RALGAPB: variants seen among roughly 807,000 people sequenced by gnomAD.
The protein encoded by RALGAPB is ral GTPase-activating protein subunit beta.
Under a neutral mutation model 161.1 loss-of-function variants are expected in RALGAPB, and 25 were observed. The observed-to-expected ratio is 0.16, with a 90% CI of 0.11 to 0.22. RALGAPB has a LOEUF of 0.22. Among genes scored for constraint, RALGAPB ranks in the 10% least tolerant of loss-of-function variants. The probability of loss-of-function intolerance (pLI) is 1.00; values close to 1 mark genes in which losing one functional copy is unlikely to be tolerated. For missense variants in RALGAPB, 1,391 were observed against 1,815.2 expected (o/e 0.77, Z 4.25); for synonymous variants, 629 against 626.1 (o/e 1.00, Z -0.07).
chr20:38,528,294 T>C (rs1026291618), intron 13 of RALGAPB, among the ~76,000 whole-genome samples: 15 of 152,228 alleles, frequency 9.9e-5, no homozygotes, highest in African/African-American at 3.1e-4. Flanking sequence ...AAATATCTGA[T>C]AATGAGCATG....
At position 38,488,501 on chromosome 20, in the gene RALGAPB, C is replaced by T. The variant is rs1346273562; in HGVS notation, c.69C>T (p.His23=). The part of the protein sequence containing the change: ...QNDQGHTSVL[H]SYPESVGREV... The stretch of plus-strand genomic sequence containing the variant: ...ATCAAGGCCATACCAGTGTGCTGCA[C>T]AGCTATCCAGAGAGCGTTGGACGAG... The change falls in exon 2 of 30, where the codon CAC becomes CAT. Residue 23 remains histidine, a synonymous_variant. Transcript: ENST00000262879. The T allele has an allele frequency of 4.3e-6, 7 of 1,614,208 alleles. No homozygotes were observed. The highest frequency in any genetic ancestry group is 5.9e-6 in the Non-Finnish European group (7 of 1,180,032).
intron 13 of RALGAPB, among the ~76,000 whole-genome samples, chr20:38,527,725 G>A (rs11698398): frequency 0.043 from 6,544 of 152,198 alleles, 161 homozygotes; most frequent in African/African-American, 0.049. Context: ...AATGTTTTAG[G>A]TTATTTAAAT....
chr20:38,543,797 G>T (rs1423087631), intron 18 of RALGAPB, among the ~76,000 whole-genome samples: 1 of 151,992 alleles, frequency 6.6e-6, no homozygotes, highest in Non-Finnish European at 1.5e-5. Flanking sequence ...ACCTCCATGG[G>T]GCCTTTGGTT....
intron 18 of RALGAPB, among the ~76,000 whole-genome samples, chr20:38,543,947 G>A (rs1568959884): frequency 6.6e-6 from 1 of 152,196 alleles, no homozygotes; most frequent in African/African-American, 2.4e-5. Flanking sequence ...CCAGTCTGGG[G>A]AGCACATTTA....
At chr20:38,549,075 T>C (rs2087270591) in intron 20 of RALGAPB, among the ~76,000 whole-genome samples, 1 of 152,188 alleles carries the variant, frequency 6.6e-6, no homozygotes, top group Non-Finnish European at 1.5e-5. Context: ...CCCCAGTTTT[T>C]TCCATGTAAT....
intron 1 of RALGAPB, among the ~76,000 whole-genome samples, chr20:38,477,994 A>G (rs2084856561): frequency 6.6e-6 from 1 of 152,156 alleles, no homozygotes; most frequent in African/African-American, 2.4e-5. Context: ...GCATGGTGAC[A>G]CACACCTGTG....
In RALGAPB at chr20:38,524,845, G is replaced by A. The variant is rs369727543; in HGVS notation, c.1687G>A (p.Val563Ile). 70 of 1,605,074 alleles carry A rather than the reference G, an allele frequency of 4.4e-5. No homozygotes were observed. The highest frequency in any genetic ancestry group is 3.3e-4 in the Middle Eastern group (2 of 6,076). ...DYVCHPVLAS[V>I]ILNSPPLFCC... Reference sequence around the variant, plus strand: ...TGTGTGCCATCCTGTCTTGGCCAGCGTTATTCTAAACTCTCCTCCTTTGTT... The same window carrying A: ...TGTGTGCCATCCTGTCTTGGCCAGCATTATTCTAAACTCTCCTCCTTTGTT... Residue 563 changes from valine to isoleucine, a missense_variant, in exon 11 of 30, where the codon GTT becomes ATT. Val to Ile is a conservative substitution (Grantham distance 29). Transcript: ENST00000262879.
In RALGAPB at chr20:38,574,254, T is replaced by A. The variant is rs1295531326; in HGVS notation, c.4247T>A (p.Val1416Asp). The A allele has an allele frequency of 6.2e-7, 1 of 1,613,840 alleles. No individual in the cohort carries two copies. ...GGAGCCACTGGAAAATTTAATATGG[T>A]CATCCCTCTTGTGGATGGGATGATT... ...IQGATGKFNM[V>D]IPLVDGMIVS... The change falls in exon 29 of 30, where the codon GTC (valine) becomes GAC (aspartate). Residue 1416 changes from valine (V) to aspartate (D), a missense_variant. Transcript: ENST00000262879.
At chr20:38,497,242 T>C (rs1568912638) in intron 3 of RALGAPB, 111 bp from the exon 4 acceptor site, 4 of 957,192 alleles carry the variant, frequency 4.2e-6, no homozygotes, top group Non-Finnish European at 6.3e-6. Context: ...CTGCTGATAA[T>C]ATTAGGGAGC....
At chr20:38,532,280 A>G (rs940216857) in intron 14 of RALGAPB, among the ~76,000 whole-genome samples, 1 of 152,226 alleles carries the variant, frequency 6.6e-6, no homozygotes, top group African/African-American at 2.4e-5. Flanking sequence ...GATGGTCTCG[A>G]TCTCCTGACC....
intron 20 of RALGAPB, among the ~76,000 whole-genome samples, chr20:38,549,818 T>G (rs2087311629): frequency 6.6e-6 from 1 of 152,174 alleles, no homozygotes; most frequent in African/African-American, 2.4e-5. Flanking sequence ...AACACTTGAA[T>G]AGAATTTGAG....
At chr20:38,506,806 T>C (rs1466065967) in intron 5 of RALGAPB, among the ~76,000 whole-genome samples, 2 of 152,196 alleles carry the variant, frequency 1.3e-5, no homozygotes, top group Admixed American at 6.5e-5. Context: ...ACAAAAACTT[T>C]ATAGGTAGTG....
intron 6 of RALGAPB, among the ~76,000 whole-genome samples, chr20:38,514,051 CAG>C (rs1417351891): frequency 3.3e-5 from 5 of 152,098 alleles, no homozygotes; most frequent in African/African-American, 4.8e-5. Flanking sequence ...GTACTTTAGT[CAG>C]AGTTATTTTG....
Position 38,473,053 on chromosome 20 carries a change from C to G in RALGAPB, c.-47C>G, listed in dbSNP as rs1469124662. The G allele has an allele frequency of 2.4e-5, 9 of 376,858 alleles. No individual in the cohort carries two copies. The highest frequency in any genetic ancestry group is 2.3e-4 in the East Asian group (6 of 26,150). The allele number at this position is 376,858 out of a possible 1,614,324, so 23.3% of individuals were successfully genotyped here. ...CGGCGCCCGCCCCGGCGATGCGGGC[C>G]CCGCCCGTCGCCTCAGGTAACCGGG... On this transcript the variant is annotated 5_prime_UTR_variant, in exon 1 of 30. Coordinates refer to ENST00000262879, the MANE Select transcript of RALGAPB (RefSeq NM_020336.4).
At chr20:38,560,106 G>GTT (rs372273702) in intron 23 of RALGAPB, among the ~76,000 whole-genome samples, 8 of 147,164 alleles carry the variant, frequency 5.4e-5, no homozygotes, top group African/African-American at 1.5e-4. Context: ...TTATGAGAAA[G>GTT]TTTTTTTTTT....
intron 6 of RALGAPB, among the ~76,000 whole-genome samples, chr20:38,515,362 C>G (rs1205275992): frequency 6.6e-6 from 1 of 152,170 alleles, no homozygotes; most frequent in African/African-American, 2.4e-5. Flanking sequence ...CAGCCTAGTT[C>G]TTTTGCCTTG....
At chr20:38,507,259 A>G (rs968585507) in intron 5 of RALGAPB, among the ~76,000 whole-genome samples, 14 of 152,196 alleles carry the variant, frequency 9.2e-5, no homozygotes, top group South Asian at 8.3e-4. Context: ...CACTTTAGTT[A>G]CACAAACTTT....
rs754474811 is a variant in RALGAPB at position 38,499,432 on chromosome 20, C to G, written c.554-15C>G. 1 of 1,562,034 alleles carries G rather than the reference C, an allele frequency of 6.4e-7. No individual in the cohort carries two copies. Among genetic ancestry groups the G allele is most frequent in the Non-Finnish European group, 8.7e-7 (1 of 1,151,682 alleles). ...AATAAGTTTGCCAAAGATGTGTTTT[C>G]TTTTTGTTGGTAAGGTGGCATTGCT... On this transcript the variant is annotated splice_polypyrimidine_tract_variant and intron_variant, in intron 4 of 29. Coordinates refer to ENST00000262879, the MANE Select transcript of RALGAPB (RefSeq NM_020336.4).
intron 1 of RALGAPB, among the ~76,000 whole-genome samples, chr20:38,480,284 T>C (rs1253489727): frequency 6.6e-6 from 1 of 151,400 alleles, no homozygotes; most frequent in Non-Finnish European, 1.5e-5. Context: ...TACATATAGC[T>C]TTCTTTCCTT....
Sources: gnomAD v4.1 joint callset for allele counts (sites outside exome capture counted in the v4.1 genomes callset) on GRCh38, gnomAD v4.1.1 for gene constraint, MANE v1.5 for transcripts, NCBI Gene and HGNC (gene_info 2026-07-23, HGNC 2026-07-21) for gene names.